The following ATE1 variants were observed in gnomAD, a reference collection of about 807,000 sequenced individuals.
The protein encoded by ATE1 is arginyl-tRNA--protein transferase 1.
ATE1 carries 36 observed loss-of-function variants against 70.5 expected under a neutral mutation model. The ratio of observed to expected loss-of-function variants is 0.51; its 90% CI spans 0.39 to 0.67. The LOEUF (loss-of-function observed/expected upper bound fraction) is 0.67. Ranked by LOEUF, ATE1 falls within the 30% of genes least tolerant of loss-of-function variation. The pLI is 0.00. For missense variants in ATE1, 593 were observed against 629.5 expected (o/e 0.94, Z 0.62); for synonymous variants, 232 against 219.3 (o/e 1.06, Z -0.51).
At chr10:121,900,741 C>G (rs1405446554) in intron 6 of ATE1, among the ~76,000 whole-genome samples, 1 of 152,146 alleles carries the variant, frequency 6.6e-6, no homozygotes, top group African/African-American at 2.4e-5. Flanking sequence ...AAGAGCGACA[C>G]CCAGTGGTAA....
chr10:121,853,072 G>A (rs1487645067), intron 8 of ATE1, among the ~76,000 whole-genome samples: 1 of 152,038 alleles, frequency 6.6e-6, no homozygotes, highest in African/African-American at 2.4e-5. Flanking sequence ...ATAATCTAAA[G>A]AGTTTTAAAA....
chr10:121,814,441 G>A (rs1010599060), intron 10 of ATE1, among the ~76,000 whole-genome samples: 1 of 152,204 alleles, frequency 6.6e-6, no homozygotes, highest in African/African-American at 2.4e-5. Context: ...AGGACTGGAT[G>A]GCAGGATGGA....
intron 11 of ATE1, among the ~76,000 whole-genome samples, chr10:121,757,394 C>A (rs1292055563): frequency 6.6e-6 from 1 of 152,214 alleles, no homozygotes; most frequent in Non-Finnish European, 1.5e-5. Flanking sequence ...TTGCCCAGTT[C>A]CAAAGTTGCT....
At chr10:121,881,354 T>C (rs1049961218) in intron 7 of ATE1, among the ~76,000 whole-genome samples, 2 of 152,174 alleles carry the variant, frequency 1.3e-5, no homozygotes, top group African/African-American at 4.8e-5. Context: ...TGCTATGGAT[T>C]ACAGTACCCC....
intron 7 of ATE1, among the ~76,000 whole-genome samples, chr10:121,882,489 G>C (rs1156715004): frequency 6.6e-6 from 1 of 152,176 alleles, no homozygotes; most frequent in Non-Finnish European, 1.5e-5. Flanking sequence ...AACAAATTGT[G>C]TTGTATACAA....
chr10:121,844,530 CAT>C (rs1196295761), intron 8 of ATE1, among the ~76,000 whole-genome samples: 1 of 152,100 alleles, frequency 6.6e-6, no homozygotes, highest in East Asian at 1.9e-4. Context: ...AGGAGCTGCT[CAT>C]AAAATTAAAG....
chr10:121,809,432 T>C (rs931090826), intron 10 of ATE1, among the ~76,000 whole-genome samples: 5 of 152,114 alleles, frequency 3.3e-5, no homozygotes, highest in African/African-American at 1.2e-4. Context: ...ACTTTACATA[T>C]ACTACCCATT....
Position 121,758,677 on chromosome 10 carries a change from G to A in ATE1, c.1379-14819C>T, listed in dbSNP as rs117137757. Among the ~76,000 whole-genome samples, 1,306 of 152,250 alleles carry A rather than the reference G, an allele frequency of 8.6e-3. 7 individuals are homozygous for A. Among genetic ancestry groups the A allele is most frequent in the Non-Finnish European group, 0.014 (930 of 68,022 alleles). ...GTTTGTTTTTACAAATTAAAGATTT[G>A]TGGCAACCCTGCATTGAGAATAGGT... On this transcript the variant is annotated intron_variant, in intron 11 of 11. Coordinates refer to ENST00000224652, the MANE Select transcript of ATE1 (RefSeq NM_001001976.3).
At chr10:121,916,877 G>A (rs1384101816) in intron 3 of ATE1, among the ~76,000 whole-genome samples, 10 of 151,228 alleles carry the variant, frequency 6.6e-5, no homozygotes, top group Admixed American at 6.6e-4. Flanking sequence ...AAAAAGAATA[G>A]CCCAGGCCAC....
At chr10:121,912,790 G>C (rs1951495261) in intron 4 of ATE1, among the ~76,000 whole-genome samples, 1 of 150,350 alleles carries the variant, frequency 6.7e-6, no homozygotes, top group Non-Finnish European at 1.5e-5. Context: ...TGTCACCTAG[G>C]CTGGAGTGCA....
intron 11 of ATE1, among the ~76,000 whole-genome samples, chr10:121,750,294 C>T (rs1160565648): frequency 4.6e-5 from 7 of 152,116 alleles, no homozygotes; most frequent in Admixed American, 4.6e-4. Context: ...GGACCATGTG[C>T]CATTTCATCT....
At chr10:121,825,762 C>T (rs941649954) in intron 10 of ATE1, among the ~76,000 whole-genome samples, 1 of 152,172 alleles carries the variant, frequency 6.6e-6, no homozygotes, top group Admixed American at 6.5e-5. Context: ...CCTTATGGAA[C>T]ACAGGGTGGC....
intron 3 of ATE1, among the ~76,000 whole-genome samples, chr10:121,920,465 G>GGCTGCAGTGAGCCATGGTTGTGCT (rs1951835608): frequency 6.6e-6 from 1 of 151,996 alleles, no homozygotes; most frequent in Admixed American, 6.6e-5. Flanking sequence ...CTGGCAGGCA[G>GGCTGCAGTGAGCCATGGTTGTGCT]GCTGCAGTGA....
At chr10:121,920,307 G>A (rs1031233588) in intron 3 of ATE1, among the ~76,000 whole-genome samples, 4 of 151,820 alleles carry the variant, frequency 2.6e-5, no homozygotes, top group South Asian at 4.2e-4. Context: ...GAAACATGGC[G>A]AGATCAGCCT....
intron 11 of ATE1, among the ~76,000 whole-genome samples, chr10:121,762,495 G>A (rs562037046): frequency 2.0e-5 from 3 of 152,294 alleles, no homozygotes; most frequent in South Asian, 2.1e-4. Context: ...TCTCCTGCCA[G>A]GGCCACTGTG....
intron 7 of ATE1, among the ~76,000 whole-genome samples, chr10:121,891,384 A>G (rs1950573871): frequency 1.3e-5 from 2 of 152,308 alleles, no homozygotes; most frequent in Middle Eastern, 6.8e-3. Flanking sequence ...ATGCCGGCAC[A>G]TGGTGGCGAC....
chr10:121,922,736 G>A (rs952109868), intron 2 of ATE1, among the ~76,000 whole-genome samples: 6 of 152,082 alleles, frequency 3.9e-5, no homozygotes, highest in African/African-American at 7.2e-5. Context: ...AAATGCCCAC[G>A]ATGCTGTGGG....
At chr10:121,884,693 T>C (rs1166840599) in intron 7 of ATE1, among the ~76,000 whole-genome samples, 1 of 152,176 alleles carries the variant, frequency 6.6e-6, no homozygotes, top group Non-Finnish European at 1.5e-5. Flanking sequence ...TCCACCCCTT[T>C]GGATCTCCCC....
intron 10 of ATE1, among the ~76,000 whole-genome samples, chr10:121,801,841 G>T (rs753470100): frequency 6.6e-6 from 1 of 151,546 alleles, no homozygotes. Flanking sequence ...ACTCCTGCTA[G>T]AGAGAACTGA....
Sources: gnomAD v4.1 joint callset for allele counts (sites outside exome capture counted in the v4.1 genomes callset) on GRCh38, gnomAD v4.1.1 for gene constraint, MANE v1.5 for transcripts, NCBI Gene and HGNC (gene_info 2026-07-23, HGNC 2026-07-21) for gene names.